The following SNX31 variants were observed in gnomAD, a reference collection of about 807,000 sequenced individuals.
SNX31 encodes the protein sorting nexin 31.
Under a neutral mutation model 65.4 loss-of-function variants are expected in SNX31, and 58 were observed. The ratio of observed to expected loss-of-function variants is 0.89; its 90% CI spans 0.72 to 1.10. The LOEUF (loss-of-function observed/expected upper bound fraction) is 1.10. Among genes scored for constraint, SNX31 ranks in the 50% least tolerant of loss-of-function variants. The probability of loss-of-function intolerance (pLI) is 0.00; values close to 1 mark genes in which losing one functional copy is unlikely to be tolerated. For synonymous variants in SNX31, 181 were observed against 190.1 expected (o/e 0.95, Z 0.39); for missense variants, 523 against 529.7 (o/e 0.99, Z 0.12).
intron 2 of SNX31, among the ~76,000 whole-genome samples, chr8:100,637,380 A>T (rs1350798422): frequency 1.3e-5 from 2 of 152,208 alleles, no homozygotes. Flanking sequence ...CTATTACCAT[A>T]CTCAGTGGCT....
chr8:100,658,598 G>T (rs1337238870), intron 1 of SNX31, among the ~76,000 whole-genome samples: 1 of 152,168 alleles, frequency 6.6e-6, no homozygotes, highest in African/African-American at 2.4e-5. Flanking sequence ...ACTACTGTTT[G>T]CACTTTACTG....
intron 10 of SNX31, among the ~76,000 whole-genome samples, chr8:100,590,991 T>A (rs1814518813): frequency 6.6e-6 from 1 of 152,054 alleles, no homozygotes; most frequent in Admixed American, 6.5e-5. Context: ...GGGGTCCTAA[T>A]GAGTAGAGGA....
intron 10 of SNX31, among the ~76,000 whole-genome samples, chr8:100,592,411 G>A (rs1037926393): frequency 2.0e-5 from 3 of 152,000 alleles, no homozygotes; most frequent in Admixed American, 2.0e-4. Context: ...TGAGATAAAT[G>A]AAATCACAAT....
At chr8:100,638,109 A>G (rs1320208293) in intron 2 of SNX31, among the ~76,000 whole-genome samples, 3 of 152,132 alleles carry the variant, frequency 2.0e-5, no homozygotes, top group Non-Finnish European at 4.4e-5. Flanking sequence ...GTTCAAGGCT[A>G]GCCACTGCCC....
Position 100,660,561 on chromosome 8 carries a change from T to A in SNX31, c.-58+2581A>T, listed in dbSNP as rs1237032585. 6.6e-6 allele frequency among the ~76,000 whole-genome samples: 1 copy of A among 152,184 alleles called. No individual in the cohort carries two copies. Among genetic ancestry groups the A allele is most frequent in the Non-Finnish European group, 1.5e-5 (1 of 68,050 alleles). On this transcript the variant is annotated intron_variant, in intron 1 of 5. Coordinates refer to the SNX31 transcript ENST00000520352. The surrounding 1 kb of genome is among the most constrained non-coding windows in gnomAD (Gnocchi z 4.1). ...CCTGCAATGTCACTCAGCACGGGGC[T>A]CTAACTCAAGTGGCAGGCGTCCCTG...
At chr8:100,617,858 G>A in intron 4 of SNX31, 128 bp from the exon 5 acceptor site, 1 of 735,586 alleles carries the variant, frequency 1.4e-6, no homozygotes, top group Non-Finnish European at 2.1e-6. Context: ...TCTGCCTCCT[G>A]GGTTCAAGTG....
intron 10 of SNX31, among the ~76,000 whole-genome samples, chr8:100,595,106 AC>A (rs1421041269): frequency 6.6e-6 from 1 of 152,252 alleles, no homozygotes; most frequent in Non-Finnish European, 1.5e-5. Context: ...CTTTTAAGAT[AC>A]ATGTGAAACA....
rs924210894 is a variant in SNX31, at chr8:100,606,826, G to T, written c.681+1668C>A. 2.0e-5 allele frequency among the ~76,000 whole-genome samples: 3 copies of T among 152,212 alleles called. No homozygotes were observed. In the East Asian group the frequency reaches 5.8e-4, roughly 29 times the overall value. ...CAGCAAATCTAATGTTTTTCTTCCT[G>T]AAAGTGTGGATGGTACCAACTGCCT... On this transcript the variant is annotated intron_variant, in intron 8 of 13. Coordinates refer to ENST00000311812, the MANE Select transcript of SNX31 (RefSeq NM_152628.4).
intron 2 of SNX31, 25 bp downstream of exon 2, chr8:100,649,249 T>C: frequency 6.2e-7 from 1 of 1,612,248 alleles, no homozygotes; most frequent in Non-Finnish European, 8.5e-7. Context: ...GTGGATGGGC[T>C]CGTACCCGCC....
intron 1 of SNX31, among the ~76,000 whole-genome samples, chr8:100,657,282 G>C (rs187783812): frequency 1.4e-4 from 21 of 151,966 alleles, no homozygotes; most frequent in African/African-American, 4.8e-4. Flanking sequence ...GAGAAACCCT[G>C]TCTCTACTAA....
intron 9 of SNX31, 116 bp downstream of exon 9, chr8:100,600,233 A>C: frequency 1.3e-6 from 1 of 784,598 alleles, no homozygotes; most frequent in Non-Finnish European, 2.1e-6. Context: ...TATTTTTTTA[A>C]AAAGAGCCCC....
intron 12 of SNX31, 46 bp from the exon 13 acceptor site, chr8:100,577,121 A>G (rs1392994816): frequency 2.0e-6 from 3 of 1,515,928 alleles, no homozygotes; most frequent in Non-Finnish European, 2.7e-6. Context: ...CAGAGAAGCA[A>G]GCACACAAAC....
At chr8:100,640,805 G>GA (rs1819117738) in intron 2 of SNX31, among the ~76,000 whole-genome samples, 1 of 151,902 alleles carries the variant, frequency 6.6e-6, no homozygotes, top group African/African-American at 2.4e-5. Flanking sequence ...TAAACATAAG[G>GA]AAAATCTAAG....
chr8:100,654,095 TC>T, upstream of SNX31, among the ~76,000 whole-genome samples: 1 of 152,220 alleles, frequency 6.6e-6, no homozygotes, highest in Admixed American at 6.5e-5. Context: ...AGCCTTGACC[TC>T]CCCAGGCTCA....
chr8:100,581,771 G>A (rs185483739), intron 12 of SNX31, among the ~76,000 whole-genome samples: 1 of 152,222 alleles, frequency 6.6e-6, no homozygotes, highest in Non-Finnish European at 1.5e-5. Flanking sequence ...TGGAAAACAA[G>A]GGAATGACGC....
chr8:100,602,803 C>T (rs559362292), intron 8 of SNX31, among the ~76,000 whole-genome samples: 33 of 152,292 alleles, frequency 2.2e-4, no homozygotes, highest in African/African-American at 7.9e-4. Flanking sequence ...TTTCATCATA[C>T]TACTTAGAAT....
chr8:100,626,680 A>G lies in SNX31; in HGVS notation c.321+3647T>C, dbSNP rs1818064212. The stretch of plus-strand genomic sequence containing the variant: ...GATTGATGACTTAAAGATAACTGGC[A>G]AGGGATCTATGCAAAAATCCTGCAA... On this transcript the variant is annotated intron_variant, in intron 4 of 13. Coordinates refer to ENST00000311812, the MANE Select transcript of SNX31 (RefSeq NM_152628.4). This position sits in a 1 kb window ranked among gnomAD's most constrained non-coding sequence, Gnocchi z 4.4. Among the ~76,000 whole-genome samples, 1 of 152,218 alleles carries G rather than the reference A, an allele frequency of 6.6e-6. No homozygotes were observed. Among genetic ancestry groups the G allele is most frequent in the African/African-American group, 2.4e-5 (1 of 41,448 alleles).
At position 100,613,445 on chromosome 8, in the gene SNX31, T is replaced by C. The variant is rs1182325799; in HGVS notation, c.433-360A>G. On this transcript the variant is annotated intron_variant, in intron 5 of 13. Coordinates refer to ENST00000311812, the MANE Select transcript of SNX31 (RefSeq NM_152628.4). The surrounding 1 kb of genome is among the most constrained non-coding windows in gnomAD (Gnocchi z 5.2). ...TCCATGAACATCTGTCCTTCTGTGATGTCTGTCCCTGGAACCTGCACACTA... is the reference window on the plus strand; with the variant it reads ...TCCATGAACATCTGTCCTTCTGTGACGTCTGTCCCTGGAACCTGCACACTA... 1.3e-5 allele frequency among the ~76,000 whole-genome samples: 2 copies of C among 152,156 alleles called. No individual in the cohort carries two copies. The highest frequency in any genetic ancestry group is 2.9e-5 in the Non-Finnish European group (2 of 68,038).
At chr8:100,635,084 CAT>C (rs1563573678) in intron 3 of SNX31, among the ~76,000 whole-genome samples, 1 of 151,594 alleles carries the variant, frequency 6.6e-6, no homozygotes, top group Non-Finnish European at 1.5e-5. Flanking sequence ...AATCAGCAAA[CAT>C]ATAACTGCTG....
Sources: allele counts gnomAD v4.1 joint callset (sites outside exome capture counted in the v4.1 genomes callset), GRCh38; gene constraint gnomAD v4.1.1; non-coding constraint Gnocchi (gnomAD v3.1); transcripts MANE v1.5; gene names NCBI Gene and HGNC (gene_info 2026-07-23, HGNC 2026-07-21).